CTNNA2: variants seen among roughly 807,000 people sequenced by gnomAD.
CTNNA2 encodes the protein catenin alpha 2, also known as catenin alpha-2.
In CTNNA2, 42 loss-of-function variants were observed where a neutral mutation model predicts 101.0. The ratio of observed to expected loss-of-function variants is 0.42; its 90% CI spans 0.32 to 0.54. CTNNA2 has a LOEUF of 0.54. Among genes scored for constraint, CTNNA2 ranks in the 20% least tolerant of loss-of-function variants. The pLI is 0.14. For missense variants in CTNNA2, 871 were observed against 1,223.1 expected (o/e 0.71, Z 4.29); for synonymous variants, 450 against 456.4 (o/e 0.99, Z 0.18).
At chr2:80,266,472 G>A (rs559641354) in intron 7 of CTNNA2, among the ~76,000 whole-genome samples, 61 of 152,282 alleles carry the variant, frequency 4.0e-4, no homozygotes, top group East Asian at 1.9e-4. Context: ...CCAGCTTTTC[G>A]CCTACAGGGC....
intron 3 of CTNNA2, chr2:79,777,158 T>G (rs1342079249): frequency 6.6e-6 from 1 of 152,060 alleles, no homozygotes; most frequent in African/African-American, 2.4e-5. Flanking sequence ...TAAGCTTGAG[T>G]AGGGTTCATG....
intron 7 of CTNNA2, among the ~76,000 whole-genome samples, chr2:80,108,003 C>T (rs1408389375): frequency 6.6e-6 from 1 of 152,150 alleles, no homozygotes; most frequent in Non-Finnish European, 1.5e-5. Flanking sequence ...TTTCACCTAG[C>T]GGGCCCAGTG....
chr2:79,572,720 C>G (rs1269161639), intron 1 of CTNNA2, among the ~76,000 whole-genome samples: 1 of 152,088 alleles, frequency 6.6e-6, no homozygotes, highest in Admixed American at 6.6e-5. Flanking sequence ...CTGCTGCATT[C>G]CAGCGTGGGT....
chr2:80,044,893 A>G (rs1380659031), intron 7 of CTNNA2, among the ~76,000 whole-genome samples: 1 of 152,206 alleles, frequency 6.6e-6, no homozygotes, highest in African/African-American at 2.4e-5. Flanking sequence ...AAACTGATCT[A>G]ACCTCCAATG....
intron 1 of CTNNA2, among the ~76,000 whole-genome samples, chr2:79,647,890 C>T (rs967885531): frequency 6.6e-6 from 1 of 152,162 alleles, no homozygotes; most frequent in Non-Finnish European, 1.5e-5. Context: ...CTCCATGTGT[C>T]CTTCTTTCGT....
chr2:80,596,289 T>TG (rs1696960018), intron 15 of CTNNA2, among the ~76,000 whole-genome samples: 2 of 35,594 alleles, frequency 5.6e-5, no homozygotes, highest in African/African-American at 1.4e-4. Flanking sequence ...GTTTTTTTTT[T>TG]TTTTTTTTTT....
Position 80,169,168 on chromosome 2 carries a change from G to T in CTNNA2, c.1057-224043G>T, listed in dbSNP as rs146018935. On this transcript the variant is annotated intron_variant, in intron 7 of 18. Transcript: ENST00000402739. ...GGTTTGTGGGGCCTCTTGCCTGGGG[G>T]CAGAAAACAGTGATGCTGTGGATGG... 2.0e-5 allele frequency among the ~76,000 whole-genome samples: 3 copies of T among 152,310 alleles called. No individual in the cohort carries two copies. The East Asian group carries it at 5.8e-4, about 29-fold the overall frequency.
chr2:79,357,946 G>A (rs1243140875), intron 3 of CTNNA2, among the ~76,000 whole-genome samples: 1 of 151,862 alleles, frequency 6.6e-6, no homozygotes, highest in Non-Finnish European at 1.5e-5. Flanking sequence ...CTAAATCTTG[G>A]TCTTTCCCTT....
chr2:80,350,047 T>C (rs1040537916), intron 7 of CTNNA2, among the ~76,000 whole-genome samples: 4 of 152,104 alleles, frequency 2.6e-5, no homozygotes, highest in African/African-American at 7.2e-5. Flanking sequence ...TACAATGGAG[T>C]ATGAATGAAT....
chr2:80,296,233 C>T (rs1015994743), intron 7 of CTNNA2, among the ~76,000 whole-genome samples: 9 of 152,144 alleles, frequency 5.9e-5, no homozygotes, highest in African/African-American at 2.2e-4. Context: ...ATCACCACCT[C>T]ACATACATTA....
chr2:79,817,996 G>T (rs1039462578), intron 3 of CTNNA2, among the ~76,000 whole-genome samples: 3 of 151,992 alleles, frequency 2.0e-5, no homozygotes, highest in Non-Finnish European at 4.4e-5. Flanking sequence ...TCGCATATTG[G>T]GCTTCAATTT....
At chr2:80,097,658 T>G (rs1700243089) in intron 7 of CTNNA2, among the ~76,000 whole-genome samples, 1 of 152,204 alleles carries the variant, frequency 6.6e-6, no homozygotes, top group Admixed American at 6.5e-5. Context: ...AGATGTAGAT[T>G]TGGTCTTTTC....
At chr2:79,720,821 G>A (rs555497153) in intron 2 of CTNNA2, among the ~76,000 whole-genome samples, 11 of 152,142 alleles carry the variant, frequency 7.2e-5, no homozygotes, top group African/African-American at 2.6e-4. Context: ...TATCTTCAGG[G>A]AAGATAGTTT....
At chr2:79,681,675 T>C (rs1683572351) in intron 2 of CTNNA2, among the ~76,000 whole-genome samples, 1 of 152,216 alleles carries the variant, frequency 6.6e-6, no homozygotes, top group Non-Finnish European at 1.5e-5. Context: ...AATGAAACCA[T>C]CTCTTAAGAC....
intron 7 of CTNNA2, among the ~76,000 whole-genome samples, chr2:79,982,682 G>A (rs1558698706): frequency 6.6e-6 from 1 of 152,032 alleles, no homozygotes; most frequent in Non-Finnish European, 1.5e-5. Context: ...CTGGAGGCCT[G>A]TGACAGTATT....
chr2:80,400,987 T>G (rs1284415591), intron 8 of CTNNA2, among the ~76,000 whole-genome samples: 1 of 152,232 alleles, frequency 6.6e-6, no homozygotes, highest in Non-Finnish European at 1.5e-5. Context: ...CCACCCTTTT[T>G]GTTTTCTTCC....
At chr2:80,596,277 T>C (rs1312812468) in intron 15 of CTNNA2, among the ~76,000 whole-genome samples, 1 of 104,910 alleles carries the variant, frequency 9.5e-6, no homozygotes, top group Admixed American at 1.1e-4. Flanking sequence ...TGAGACAAGG[T>C]TGTTTTTTTT....
chr2:79,644,059 A>G (rs143124427), intron 1 of CTNNA2, among the ~76,000 whole-genome samples: 1,592 of 152,064 alleles, frequency 0.01, 26 homozygotes, highest in African/African-American at 0.036. Context: ...TTGTTTTGAG[A>G]TGGAGTCTCT....
rs199835264 is a variant in CTNNA2 at position 80,545,918 on chromosome 2, C to T, written c.1395C>T (p.Ala465=). ...IDSLCPQVIN[A]ALTLAARPQS... is the part of the protein sequence containing the mutation. Reference sequence around the variant, plus strand: ...TTTCCAACAAATAGGTCATCAATGCCGCTCTGACACTGGCTGCCCGGCCAC... The same window carrying T: ...TTTCCAACAAATAGGTCATCAATGCTGCTCTGACACTGGCTGCCCGGCCAC... Residue 465 remains alanine (A), a synonymous_variant, in exon 11 of 19, where the codon GCC becomes GCT. Coordinates refer to ENST00000402739, the MANE Select transcript of CTNNA2 (RefSeq NM_001282597.3). 8.6e-5 allele frequency: 139 copies of T among 1,613,672 alleles called. No homozygotes were observed. Among genetic ancestry groups the T allele is most frequent in the African/African-American group, 4.0e-4 (30 of 74,888 alleles).
Sources: gnomAD v4.1 joint callset for allele counts (sites outside exome capture counted in the v4.1 genomes callset) on GRCh38, gnomAD v4.1.1 for gene constraint, MANE v1.5 for transcripts, NCBI Gene and HGNC (gene_info 2026-07-23, HGNC 2026-07-21) for gene names.